MAST4: variants seen among roughly 807,000 people sequenced by gnomAD.
MAST4 encodes the protein microtubule associated serine/threonine kinase family member 4.
A neutral mutation model predicts 162.7 loss-of-function variants in MAST4; 89 were observed. The observed-to-expected ratio is 0.55, with a 90% CI of 0.46 to 0.65. The LOEUF (loss-of-function observed/expected upper bound fraction) is 0.65. Among genes scored for constraint, MAST4 ranks in the 30% least tolerant of loss-of-function variants. MAST4 has a pLI of 0.00. For synonymous variants in MAST4, 1,479 were observed against 1,361.1 expected, an observed-to-expected ratio of 1.09 and a Z score of -1.91; for missense variants, 3,153 against 3,374.0, an observed-to-expected ratio of 0.93 and a Z score of 1.62.
At chr5:66,827,090 G>T (rs1267162099) in intron 3 of MAST4, among the ~76,000 whole-genome samples, 1 of 152,192 alleles carries the variant, frequency 6.6e-6, no homozygotes, top group Admixed American at 6.5e-5. Context: ...GATAGAACAA[G>T]GCTGGCCCTT....
chr5:67,021,169 A>G (rs1290189422), intron 4 of MAST4, among the ~76,000 whole-genome samples: 2 of 152,092 alleles, frequency 1.3e-5, no homozygotes, highest in African/African-American at 4.8e-5. Flanking sequence ...CTACAGCCCT[A>G]CCCCACTTCT....
chr5:66,608,203 G>A (rs934408618), intron 1 of MAST4, among the ~76,000 whole-genome samples: 7 of 151,178 alleles, frequency 4.6e-5, no homozygotes, highest in Non-Finnish European at 7.4e-5. Context: ...GATTACAGGC[G>A]TGCCACCATG....
intron 1 of MAST4, among the ~76,000 whole-genome samples, chr5:66,618,164 G>T (rs984100739): frequency 3.3e-5 from 5 of 152,218 alleles, no homozygotes; most frequent in Admixed American, 1.3e-4. Flanking sequence ...TTACTGCCGA[G>T]TGCTCTTTCC....
chr5:67,076,358 T>C (rs1381931755), intron 5 of MAST4, among the ~76,000 whole-genome samples: 3 of 152,218 alleles, frequency 2.0e-5, no homozygotes, highest in Non-Finnish European at 4.4e-5. Context: ...CAGCTTTCTC[T>C]TGGGTCTGAA....
intron 6 of MAST4, among the ~76,000 whole-genome samples, chr5:67,090,508 A>T (rs1376934703): frequency 7.2e-6 from 1 of 138,406 alleles, no homozygotes; most frequent in Non-Finnish European, 1.5e-5. Flanking sequence ...CCTGCTCATT[A>T]TTCTGTAAGG....
intron 3 of MAST4, among the ~76,000 whole-genome samples, chr5:66,797,428 T>C (rs1383079363): frequency 1.3e-5 from 2 of 152,222 alleles, no homozygotes; most frequent in Non-Finnish European, 2.9e-5. Context: ...GTGGTAATTA[T>C]ACTTATTCCG....
chr5:66,599,489 A>G (rs1055889920), intron 1 of MAST4, among the ~76,000 whole-genome samples: 1 of 152,228 alleles, frequency 6.6e-6, no homozygotes, highest in Non-Finnish European at 1.5e-5. Flanking sequence ...GAATAATAGC[A>G]TTAGAGTTAG....
intron 1 of MAST4, among the ~76,000 whole-genome samples, chr5:66,634,945 T>A (rs931313704): frequency 6.6e-6 from 1 of 152,202 alleles, no homozygotes; most frequent in Admixed American, 6.5e-5. Flanking sequence ...GTGCTCCAGA[T>A]GTGGCCAGAT....
At chr5:66,617,471 G>A (rs1346437534) in intron 1 of MAST4, among the ~76,000 whole-genome samples, 1 of 142,658 alleles carries the variant, frequency 7.0e-6, no homozygotes, top group Non-Finnish European at 1.6e-5. Context: ...AGCAGAGAAG[G>A]GTTATTTTTT....
rs1025891198 is a variant in MAST4, at chr5:66,684,998, A to G, written c.364-74711A>G. ...AATAGCTGGCCAGGTGGGGTGGCTC[A>G]TGCCTATAACCCCAGCACTTTGGGA... On this transcript the variant is annotated intron_variant, in intron 1 of 28. Transcript: ENST00000403625. Among the ~76,000 whole-genome samples, 9 of 152,190 alleles carry G rather than the reference A, an allele frequency of 5.9e-5. 1 individual carries two copies. The highest frequency in any genetic ancestry group is 3.9e-4 in the Admixed American group (6 of 15,274).
chr5:67,004,490 C>A (rs576502543), intron 4 of MAST4: 2 of 153,868 alleles, frequency 1.3e-5, no homozygotes, highest in Admixed American at 6.4e-5. Flanking sequence ...TATGTAGATA[C>A]CAAAAGGAAA....
chr5:66,701,675 G>T (rs1749785003), intron 1 of MAST4, among the ~76,000 whole-genome samples: 1 of 152,192 alleles, frequency 6.6e-6, no homozygotes, highest in Non-Finnish European at 1.5e-5. Context: ...CATGGAAAAA[G>T]TCGTGCATTT....
intron 1 of MAST4, among the ~76,000 whole-genome samples, chr5:66,676,941 T>C (rs1580170466): frequency 6.6e-6 from 1 of 152,178 alleles, no homozygotes; most frequent in Non-Finnish European, 1.5e-5. Context: ...CATCATCCAT[T>C]ATTGGGAGTT....
intron 1 of MAST4, among the ~76,000 whole-genome samples, chr5:66,650,180 A>T (rs1435992775): frequency 6.6e-6 from 1 of 152,142 alleles, no homozygotes; most frequent in Non-Finnish European, 1.5e-5. Context: ...ATCTAGGCTC[A>T]GCTTGGCTGG....
chr5:66,823,172 C>T (rs915611396), intron 3 of MAST4, among the ~76,000 whole-genome samples: 27 of 152,094 alleles, frequency 1.8e-4, no homozygotes, highest in African/African-American at 6.5e-4. Context: ...TACCTTCTGC[C>T]GTGATTGTAA....
At position 66,733,528 on chromosome 5, in the gene MAST4, C is replaced by T. The variant is rs185800975; in HGVS notation, c.364-26181C>T. Among the ~76,000 whole-genome samples the T allele has an allele frequency of 2.9e-3, 441 of 152,236 alleles. 1 individual carries two copies. Among genetic ancestry groups the T allele is most frequent in the Non-Finnish European group, 5.2e-3 (352 of 68,024 alleles). ...AGGCTGGAGTGCAGTGGTGCGATCTCGGCTCATTGCAACCTCCGCCTCGGG... is the reference window on the plus strand; with the variant it reads ...AGGCTGGAGTGCAGTGGTGCGATCTTGGCTCATTGCAACCTCCGCCTCGGG... On this transcript the variant is annotated intron_variant, in intron 1 of 28. Coordinates refer to ENST00000403625, the MANE Select transcript of MAST4 (RefSeq NM_001164664.2).
Position 66,951,226 on chromosome 5 carries a change from T to C in MAST4, c.674+51244T>C, listed in dbSNP as rs576734197. ...TCATAAAGCTTTCAGGTTGTATCACTTGGTAATTTTTGTAGCACAAGTGAT... is the reference window on the plus strand; with the variant it reads ...TCATAAAGCTTTCAGGTTGTATCACCTGGTAATTTTTGTAGCACAAGTGAT... On this transcript the variant is annotated intron_variant, in intron 4 of 28. Transcript: ENST00000403625. Among the ~76,000 whole-genome samples, 3 of 152,304 alleles carry C rather than the reference T, an allele frequency of 2.0e-5. No individual in the cohort carries two copies. The East Asian group carries it at 5.8e-4, about 29-fold the overall frequency.
At position 66,867,457 on chromosome 5, in the gene MAST4, T is replaced by C. The variant is rs1399764025; in HGVS notation, c.643-32494T>C. Among the ~76,000 whole-genome samples the C allele has an allele frequency of 2.0e-5, 3 of 152,356 alleles. No individual in the cohort carries two copies. The East Asian group carries it at 5.8e-4, about 29-fold the overall frequency. ...GGAACAATAATTTATTTAAAAAGTA[T>C]GATCTGTAGTGTTAAGGGATATTTA... On this transcript the variant is annotated intron_variant, in intron 3 of 28. Transcript: ENST00000403625.
intron 1 of MAST4, among the ~76,000 whole-genome samples, chr5:66,758,380 T>TAAATAAATAG (rs1217134527): frequency 2.0e-5 from 3 of 151,486 alleles, no homozygotes; most frequent in Non-Finnish European, 4.4e-5. Context: ...CTATTATTAT[T>TAAATAAATAG]AAATAAATAG....
Sources: allele counts gnomAD v4.1 joint callset (sites outside exome capture counted in the v4.1 genomes callset), GRCh38; gene constraint gnomAD v4.1.1; transcripts MANE v1.5; gene names NCBI Gene and HGNC (gene_info 2026-07-23, HGNC 2026-07-21).